Variants in CEP112 observed in about 807,000 individuals in gnomAD.
CEP112 encodes the protein centrosomal protein of 112 kDa.
Under a neutral mutation model 153.0 loss-of-function variants are expected in CEP112, and 127 were observed. That is an observed-to-expected ratio of 0.83 (90% CI 0.72 to 0.96). CEP112 has a LOEUF of 0.96. Ranked by LOEUF, CEP112 falls within the 40% of genes least tolerant of loss-of-function variation. The pLI, the probability that CEP112 is intolerant of heterozygous loss-of-function variation, is 0.00. For synonymous variants in CEP112, 358 were observed against 374.4 expected (o/e 0.96, Z 0.51); for missense variants, 1,089 against 1,101.2 (o/e 0.99, Z 0.16).
chr17:65,966,036 AT>A (rs35072379), intron 17 of CEP112, among the ~76,000 whole-genome samples: 72,696 of 151,022 alleles, frequency 0.48, 18,419 homozygotes, highest in East Asian at 0.89. Flanking sequence ...AGGACTGAAG[AT>A]TTTTTTTTTC....
intron 21 of CEP112, chr17:65,826,288 AG>A: frequency 1.9e-6 from 3 of 1,614,090 alleles, no homozygotes; most frequent in Non-Finnish European, 2.5e-6. Context: ...CTAAACTCAG[AG>A]AAGCCCACAT....
At chr17:65,756,553 G>T (rs1438865892) in intron 21 of CEP112, among the ~76,000 whole-genome samples, 1 of 151,934 alleles carries the variant, frequency 6.6e-6, no homozygotes, top group Non-Finnish European at 1.5e-5. Flanking sequence ...GATCACAGTA[G>T]TTTGGCAACA....
intron 8 of CEP112, among the ~76,000 whole-genome samples, chr17:66,073,454 G>A (rs1323878577): frequency 2.0e-5 from 3 of 152,166 alleles, no homozygotes; most frequent in African/African-American, 7.2e-5. Flanking sequence ...TCAACCACAG[G>A]CTGATGGCTG....
At chr17:65,980,018 C>T (rs1356724693) in intron 17 of CEP112, among the ~76,000 whole-genome samples, 3 of 152,058 alleles carry the variant, frequency 2.0e-5, no homozygotes, top group Non-Finnish European at 4.4e-5. Flanking sequence ...TAATTATAAT[C>T]ACATAACACC....
At chr17:66,103,282 T>C (rs1244945836) in intron 6 of CEP112, among the ~76,000 whole-genome samples, 1 of 150,454 alleles carries the variant, frequency 6.6e-6, no homozygotes, top group Non-Finnish European at 1.5e-5. Context: ...AATGATACAA[T>C]GAGTACCACC....
intron 6 of CEP112, among the ~76,000 whole-genome samples, chr17:66,116,352 T>G (rs979885903): frequency 6.6e-6 from 1 of 152,228 alleles, no homozygotes; most frequent in Non-Finnish European, 1.5e-5. Flanking sequence ...ATCCAGCTTC[T>G]GTTTCATTGA....
At chr17:66,080,221 C>T (rs184801430) in intron 8 of CEP112, among the ~76,000 whole-genome samples, 9 of 152,154 alleles carry the variant, frequency 5.9e-5, no homozygotes, top group Middle Eastern at 3.4e-3. Context: ...AGTGAACAGG[C>T]AACCTACAGA....
At position 66,107,331 on chromosome 17, in the gene CEP112, T is replaced by C. The variant is rs561675695; in HGVS notation, c.643-10699A>G. 1.4e-3 allele frequency among the ~76,000 whole-genome samples: 217 copies of C among 152,048 alleles called. 2 individuals are homozygous for C. Among genetic ancestry groups the C allele is most frequent in the South Asian group, 9.6e-3 (46 of 4,812 alleles). On this transcript the variant is annotated intron_variant, in intron 6 of 26. Coordinates refer to ENST00000535342, the MANE Select transcript of CEP112 (RefSeq NM_001199165.4). ...GAGGAAGAAATACAGGGCATGCAAA[T>C]TGGAAAGGAAGAAGTCAAATTATGC...
intron 12 of CEP112, among the ~76,000 whole-genome samples, chr17:66,053,345 C>CA (rs1316773518): frequency 6.6e-6 from 1 of 151,772 alleles, no homozygotes; most frequent in Admixed American, 6.6e-5. Context: ...ACTAAAAATA[C>CA]AAAAAATAGC....
chr17:66,030,463 A>G (rs2065416943), intron 12 of CEP112, among the ~76,000 whole-genome samples: 1 of 152,194 alleles, frequency 6.6e-6, no homozygotes, highest in African/African-American at 2.4e-5. Flanking sequence ...TTTTTAAAGG[A>G]AATCCATAGC....
At chr17:66,145,350 C>T (rs1228020524) in intron 4 of CEP112, among the ~76,000 whole-genome samples, 1 of 151,968 alleles carries the variant, frequency 6.6e-6, no homozygotes, top group African/African-American at 2.4e-5. Flanking sequence ...GGTAATTTTC[C>T]AAATGGTGCC....
chr17:65,697,849 T>C (rs2048431325), intron 23 of CEP112, among the ~76,000 whole-genome samples: 1 of 152,192 alleles, frequency 6.6e-6, no homozygotes, highest in South Asian at 2.1e-4. Flanking sequence ...AAAAAAGTTT[T>C]ATTAGTGATT....
At chr17:65,718,757 C>T (rs1262902246) in intron 23 of CEP112, among the ~76,000 whole-genome samples, 2 of 152,080 alleles carry the variant, frequency 1.3e-5, no homozygotes, top group Non-Finnish European at 2.9e-5. Flanking sequence ...CATTGCAGAC[C>T]TTCTAGATAG....
chr17:66,104,136 T>C (rs1253738944), intron 6 of CEP112, among the ~76,000 whole-genome samples: 1 of 152,100 alleles, frequency 6.6e-6, no homozygotes, highest in Non-Finnish European at 1.5e-5. Flanking sequence ...GCATGTGACA[T>C]AGTGAGACAC....
chr17:66,177,658 A>T (rs1196483486), intron 2 of CEP112, among the ~76,000 whole-genome samples: 2 of 152,132 alleles, frequency 1.3e-5, no homozygotes, highest in Non-Finnish European at 2.9e-5. Context: ...TGTGCTGTCA[A>T]ATACTAGGTC....
intron 16 of CEP112, among the ~76,000 whole-genome samples, chr17:66,020,141 C>A (rs995563326): frequency 1.3e-5 from 2 of 152,138 alleles, no homozygotes; most frequent in African/African-American, 4.8e-5. Context: ...AGCAGGAAGC[C>A]AGGAAGCTCT....
chr17:65,888,908 C>T (rs547281745), intron 20 of CEP112, among the ~76,000 whole-genome samples: 2 of 152,312 alleles, frequency 1.3e-5, no homozygotes, highest in East Asian at 3.9e-4. Context: ...TCCTCAAACT[C>T]TTGGCTCTTA....
intron 21 of CEP112, among the ~76,000 whole-genome samples, chr17:65,773,279 T>C (rs1286142651): frequency 6.6e-6 from 1 of 152,224 alleles, no homozygotes; most frequent in African/African-American, 2.4e-5. Flanking sequence ...GCCTTCATTT[T>C]CGTTTCCTTA....
chr17:65,876,302 G>A (rs1174130182), intron 20 of CEP112, among the ~76,000 whole-genome samples: 13 of 152,164 alleles, frequency 8.5e-5, no homozygotes, highest in South Asian at 2.1e-4. Flanking sequence ...TGCTTGTAAC[G>A]TCTTATCCAA....
Sources: allele counts gnomAD v4.1 joint callset (sites outside exome capture counted in the v4.1 genomes callset), GRCh38; gene constraint gnomAD v4.1.1; transcripts MANE v1.5; gene names NCBI Gene and HGNC (gene_info 2026-07-23, HGNC 2026-07-21).